Variants in MBD1 observed in about 807,000 individuals in gnomAD.
The protein encoded by MBD1 is methyl-CpG-binding domain protein 1.
Under a neutral mutation model 82.6 loss-of-function variants are expected in MBD1, and 25 were observed. The ratio of observed to expected loss-of-function variants is 0.30; its 90% CI spans 0.22 to 0.42. The LOEUF is 0.42. Among genes scored for constraint, MBD1 ranks in the 10% least tolerant of loss-of-function variants. The pLI is 1.00. For synonymous variants in MBD1, 301 were observed against 303.7 expected (o/e 0.99, Z 0.09); for missense variants, 627 against 819.6 (o/e 0.76, Z 2.87).
At chr18:50,268,405 G>T (rs916204944), downstream of MBD1, among the ~76,000 whole-genome samples, 1 of 152,252 alleles carries the variant, frequency 6.6e-6, no homozygotes, top group Non-Finnish European at 1.5e-5. Context: ...GGCGAGCTCC[G>T]AAATTTAACC....
Position 50,276,994 on chromosome 18 carries a change from T to C in MBD1, c.230A>G (p.His77Arg), listed in dbSNP as rs767894080. ...CTTCTTGCTGGCAACCGCCACGGGA[T>C]GGGCCTGGAAAGTAAGGGAAGGAGG... The part of the protein sequence containing the change: ...GILCYPAPKA[H>R]PVAVASKKRK... The change falls in exon 4 of 17, where the codon CAT becomes CGT. Residue 77 changes from histidine to arginine, a missense_variant. His to Arg is a conservative substitution (Grantham distance 29). Transcript: ENST00000269468. The C allele has an allele frequency of 6.2e-7, 1 of 1,614,206 alleles. No individual in the cohort carries two copies. Among genetic ancestry groups the C allele is most frequent in the South Asian group, 1.1e-5 (1 of 91,080 alleles).
chr18:50,277,877 A>G (rs993485930), intron 2 of MBD1, among the ~76,000 whole-genome samples: 1 of 152,230 alleles, frequency 6.6e-6, no homozygotes, highest in Non-Finnish European at 1.5e-5. Context: ...TGATTCTCTA[A>G]GCTCACGGTT....
chr18:50,267,729 T>C (rs1461225451), downstream of MBD1: 3 of 1,067,850 alleles, frequency 2.8e-6, no homozygotes, highest in African/African-American at 1.6e-5. Context: ...CATAGAACAC[T>C]TGTGAGCACA....
At position 50,270,103 on chromosome 18, in the gene MBD1, G is replaced by GT. The variant is rs753074292; in HGVS notation, c.*33-286dup. 21 of 1,598,180 alleles carry GT rather than the reference G, an allele frequency of 1.3e-5. No homozygotes were observed. In the Admixed American group the frequency reaches 3.5e-4, roughly 27 times the overall value. On this transcript the variant is annotated intron_variant, in intron 16 of 16. Coordinates refer to ENST00000269468, the MANE Select transcript of MBD1 (RefSeq NM_015846.4). ...GTTGGTTCCTGGGGGAAACAAAGCA[G>GT]TATCAGTCTATCCAGTCTTGACTAG...
At position 50,269,641 on chromosome 18, in the gene MBD1, G is replaced by A. The variant is rs2034628924; in HGVS notation, c.*210C>T. 2 of 740,180 alleles carry A rather than the reference G, an allele frequency of 2.7e-6. No homozygotes were observed. The highest frequency in any genetic ancestry group is 1.4e-5 in the South Asian group (1 of 70,298). The allele number at this position is 740,180 out of a possible 1,614,324, so 45.9% of individuals were successfully genotyped here. A position where few individuals can be genotyped will look rare whatever the true frequency, so the allele number is the denominator to read the frequency against. On this transcript the variant is annotated 3_prime_UTR_variant, in exon 17 of 17. Coordinates refer to ENST00000269468, the MANE Select transcript of MBD1 (RefSeq NM_015846.4). ...GCCAGATGCATATTTAACTCTGTGA[G>A]GAAGGGCACCAGCTTCTTCTGCAGG...
rs979211631 is a variant in MBD1 at position 50,269,073 on chromosome 18, G to C, written c.*778C>G. On this transcript the variant is annotated 3_prime_UTR_variant, in exon 17 of 17. Coordinates refer to ENST00000269468, the MANE Select transcript of MBD1 (RefSeq NM_015846.4). ...TGCATTTAATAAAATTGCATGGGCC[G>C]TATCTTTTGCATTTCTGTATCCTAG... 6.1e-6 allele frequency: 6 copies of C among 986,808 alleles called. No homozygotes were observed. In the South Asian group the frequency reaches 2.8e-4, roughly 46 times the overall value. 61.1% of individuals were successfully genotyped at this position (986,808 alleles called of 1,614,324 possible). A position where few individuals can be genotyped will look rare whatever the true frequency, so the allele number is the denominator to read the frequency against.
intron 2 of MBD1, among the ~76,000 whole-genome samples, chr18:50,277,466 A>C (rs773416057): frequency 6.6e-6 from 1 of 152,080 alleles, no homozygotes; most frequent in African/African-American, 2.4e-5. Flanking sequence ...GAACTATTTC[A>C]TGTAAGTAAA....
chr18:50,274,150 C>T, intron 11 of MBD1, 36 bp downstream of exon 11: 1 of 1,612,840 alleles, frequency 6.2e-7, no homozygotes, highest in Non-Finnish European at 8.5e-7. Flanking sequence ...CTGGCCCAAC[C>T]TATCCCGTCC....
chr18:50,276,210 GAT>G, intron 6 of MBD1, 166 bp downstream of exon 6: 1 of 835,622 alleles, frequency 1.2e-6, no homozygotes, highest in Non-Finnish European at 2.0e-6. Flanking sequence ...TGGTAATGGG[GAT>G]TAATTACCCC....
At chr18:50,268,295 G>C (rs192041578), downstream of MBD1, among the ~76,000 whole-genome samples, 1 of 152,364 alleles carries the variant, frequency 6.6e-6, no homozygotes, top group East Asian at 1.9e-4. Flanking sequence ...GCAGCCCAAA[G>C]GGCCTCGTCG....
Position 50,272,665 on chromosome 18 carries a change from T to C in MBD1, c.1778+12A>G, listed in dbSNP as rs768354272. 6.2e-7 allele frequency: 1 copy of C among 1,613,936 alleles called. No homozygotes were observed. The highest frequency in any genetic ancestry group is 8.5e-7 in the Non-Finnish European group (1 of 1,179,774). ...CCCACTCCTTCCCCACCCCTCACTGTGTGGGGCACACCTTGGCAACCAGAC... is the reference window on the plus strand; with the variant it reads ...CCCACTCCTTCCCCACCCCTCACTGCGTGGGGCACACCTTGGCAACCAGAC... On this transcript the variant is annotated intron_variant, in intron 15 of 16. Coordinates refer to ENST00000269468, the MANE Select transcript of MBD1 (RefSeq NM_015846.4).
intron 10 of MBD1, 116 bp downstream of exon 10, chr18:50,274,861 G>A: frequency 1.9e-6 from 2 of 1,045,988 alleles, no homozygotes; most frequent in Non-Finnish European, 2.9e-6. Flanking sequence ...TCCCATCCTA[G>A]GACCCATTAT....
Position 50,275,164 on chromosome 18 carries a change from G to A in MBD1, c.874C>T (p.Pro292Ser), listed in dbSNP as rs779830327. Residue 292 changes from proline to serine, a missense_variant, in exon 9 of 17, where the codon CCA becomes TCA. Coordinates refer to ENST00000269468, the MANE Select transcript of MBD1 (RefSeq NM_015846.4). Reference sequence around the variant, plus strand: ...GGCTCTGGGGACTGTGATGGGGGTGGTGGAGGCAGTGGCTGGGCTCCGGGG... The same window carrying A: ...GGCTCTGGGGACTGTGATGGGGGTGATGGAGGCAGTGGCTGGGCTCCGGGG... ...RRPGAQPLPP[P>S]PPSQSPEPTE... The A allele has an allele frequency of 6.2e-7, 1 of 1,614,150 alleles. No individual in the cohort carries two copies. Among genetic ancestry groups the A allele is most frequent in the Non-Finnish European group, 8.5e-7 (1 of 1,180,012 alleles).
At chr18:50,281,639 G>C (rs987665159), upstream of MBD1, 2 of 442,098 alleles carry the variant, frequency 4.5e-6, no homozygotes, top group African/African-American at 2.0e-5. Context: ...ACGGGCCGGC[G>C]CTCCGCAGCG....
chr18:50,277,846 TA>T (rs1417726668), intron 2 of MBD1, among the ~76,000 whole-genome samples: 1 of 151,844 alleles, frequency 6.6e-6, no homozygotes, highest in Non-Finnish European at 1.5e-5. Context: ...CTTACTGTCT[TA>T]ATATTATTTA....
chr18:50,275,702 G>T lies in MBD1; in HGVS notation c.690C>A (p.Gly230=), dbSNP rs895060423. The T allele has an allele frequency of 1.2e-6, 2 of 1,614,084 alleles. No homozygotes were observed. Among genetic ancestry groups the T allele is most frequent in the Non-Finnish European group, 8.5e-7 (1 of 1,180,018 alleles). Reference sequence around the variant, plus strand: ...GGCCACAATCCTCTTGGGTCTGACAGCCCCGGCATACTCCACACCCTCGGC... The same window carrying T: ...GGCCACAATCCTCTTGGGTCTGACATCCCCGGCATACTCCACACCCTCGGC... ...ERSRGCGVCR[G]CQTQEDCGHC... Residue 230 remains glycine (G), a synonymous_variant, in exon 8 of 17, where the codon GGC becomes GGA. Coordinates refer to ENST00000269468, the MANE Select transcript of MBD1 (RefSeq NM_015846.4).
At chr18:50,268,407 A>G (rs1412356284), downstream of MBD1, among the ~76,000 whole-genome samples, 2 of 152,170 alleles carry the variant, frequency 1.3e-5, no homozygotes, top group African/African-American at 4.8e-5. Context: ...CGAGCTCCGA[A>G]ATTTAACCCC....
chr18:50,269,331 T>A lies in MBD1; in HGVS notation c.*520A>T. 2 of 1,297,652 alleles carry A rather than the reference T, an allele frequency of 1.5e-6. No individual in the cohort carries two copies. Among genetic ancestry groups the A allele is most frequent in the Non-Finnish European group, 2.0e-6 (2 of 1,013,114 alleles). 80.4% of individuals were successfully genotyped at this position (1,297,652 alleles called of 1,614,324 possible). A position where few individuals can be genotyped will look rare whatever the true frequency, so the allele number is the denominator to read the frequency against. On this transcript the variant is annotated 3_prime_UTR_variant, in exon 17 of 17. Transcript: ENST00000269468. ...GAGCGGATTCATGGTAGGGTGGCTTTGTAATGTGTCACCTTGGTGAGGCTA... is the reference window on the plus strand; with the variant it reads ...GAGCGGATTCATGGTAGGGTGGCTTAGTAATGTGTCACCTTGGTGAGGCTA...
chr18:50,270,139 G>A (rs916714430), intron 16 of MBD1: 19 of 1,598,220 alleles, frequency 1.2e-5, no homozygotes, highest in Admixed American at 1.7e-5. Flanking sequence ...GGCTGAACTA[G>A]TTAGGATGGA....
Sources: allele counts gnomAD v4.1 joint callset (sites outside exome capture counted in the v4.1 genomes callset), GRCh38; gene constraint gnomAD v4.1.1; transcripts MANE v1.5; gene names NCBI Gene and HGNC (gene_info 2026-07-23, HGNC 2026-07-21).